The following MRRF variants were observed in gnomAD, a reference collection of about 807,000 sequenced individuals.
The protein encoded by MRRF is mitochondrial ribosome recycling factor.
Under a neutral mutation model 25.1 loss-of-function variants are expected in MRRF, and 18 were observed. That is an observed-to-expected ratio of 0.72 (90% confidence interval 0.50 to 1.06). The LOEUF (loss-of-function observed/expected upper bound fraction) is 1.06. MRRF is among the 50% of genes least tolerant of loss of function. The pLI is 0.00. For synonymous variants in MRRF, 113 were observed against 112.1 expected, an observed-to-expected ratio of 1.01 and a Z score of -0.05; for missense variants, 323 against 319.3, an observed-to-expected ratio of 1.01 and a Z score of -0.09.
rs776774424 is a variant in MRRF at position 122,308,699 on chromosome 9, C to CAAAA, written c.552-4508_552-4505dup. Among the ~76,000 whole-genome samples the CAAAA allele has an allele frequency of 1.3e-3, 81 of 60,084 alleles. 1 individual carries two copies. The highest frequency in any genetic ancestry group is 4.7e-3 in the African/African-American group (71 of 15,180). 39.4% of individuals were successfully genotyped at this position (60,084 alleles called of 152,430 possible). A position where few individuals can be genotyped will look rare whatever the true frequency, so the allele number is the denominator to read the frequency against. ...GGGTGACAGAGCAAGACTCCATCTC[C>CAAAA]AAAAAAAAAAAAAAAAAAAAAAAGA... On this transcript the variant is annotated intron_variant, in intron 5 of 6. Transcript: ENST00000344641.
chr9:122,309,450 A>G (rs1338968787), intron 5 of MRRF, among the ~76,000 whole-genome samples: 1 of 152,014 alleles, frequency 6.6e-6, no homozygotes. Context: ...CTATATTCTT[A>G]TATATGCTAT....
chr9:122,280,992 C>G (rs538875769), intron 3 of MRRF, among the ~76,000 whole-genome samples: 1 of 152,308 alleles, frequency 6.6e-6, no homozygotes, highest in Non-Finnish European at 1.5e-5. Flanking sequence ...ATAAACACAT[C>G]TAGGTATTTA....
At chr9:122,270,396 A>T (rs1832376865) in intron 1 of MRRF, among the ~76,000 whole-genome samples, 1 of 152,176 alleles carries the variant, frequency 6.6e-6, no homozygotes, top group Non-Finnish European at 1.5e-5. Flanking sequence ...AACCAAATAA[A>T]ATTTTAATTA....
At chr9:122,286,779 C>G (rs1468657896) in intron 4 of MRRF, among the ~76,000 whole-genome samples, 1 of 152,104 alleles carries the variant, frequency 6.6e-6, no homozygotes, top group South Asian at 2.1e-4. Flanking sequence ...CCATGCTTTG[C>G]CTTTATTGGT....
chr9:122,316,122 A>G (rs1835500068), intron 6 of MRRF, among the ~76,000 whole-genome samples: 1 of 152,222 alleles, frequency 6.6e-6, no homozygotes, highest in Admixed American at 6.5e-5. Flanking sequence ...AAGAAAAAGT[A>G]TCATACAATT....
At chr9:122,300,765 T>C (rs1834399639) in intron 5 of MRRF, among the ~76,000 whole-genome samples, 1 of 152,216 alleles carries the variant, frequency 6.6e-6, no homozygotes, top group Non-Finnish European at 1.5e-5. Flanking sequence ...TGAGTGATTA[T>C]ATTGGAAGTA....
intron 4 of MRRF, among the ~76,000 whole-genome samples, chr9:122,287,304 G>C (rs773823477): frequency 1.3e-5 from 2 of 152,210 alleles, no homozygotes; most frequent in African/African-American, 4.8e-5. Context: ...CTGGCACATG[G>C]CACCATTTGG....
Position 122,281,288 on chromosome 9 carries a change from T to G in MRRF, c.340+690T>G, listed in dbSNP as rs139673690. Among the ~76,000 whole-genome samples the G allele has an allele frequency of 4.4e-3, 676 of 152,348 alleles. 3 individuals carry two copies. Among genetic ancestry groups the G allele is most frequent in the Non-Finnish European group, 8.0e-3 (544 of 68,024 alleles). On this transcript the variant is annotated intron_variant, in intron 3 of 6. Transcript: ENST00000344641. ...CAGGAAAAATCCAGTTGCTGTTAAA[T>G]TAGGCTTTTGCAAATTGTCATCATC... is the stretch of plus-strand genomic sequence containing the variant.
chr9:122,292,671 G>T (rs1189067980), intron 5 of MRRF, among the ~76,000 whole-genome samples: 4 of 152,104 alleles, frequency 2.6e-5, no homozygotes, highest in African/African-American at 9.7e-5. Context: ...GTGATGGGAA[G>T]TCAGTGGAAG....
intron 4 of MRRF, chr9:122,286,275 AG>A: frequency 9.0e-7 from 1 of 1,111,736 alleles, no homozygotes; most frequent in Non-Finnish European, 1.2e-6. Context: ...GATAGGAGAA[AG>A]GGAAAGCCCT....
At position 122,265,834 on chromosome 9, in the gene MRRF, A is replaced by G. The variant is rs142509159; in HGVS notation, c.-29+896A>G. On this transcript the variant is annotated intron_variant, in intron 1 of 6. Coordinates refer to ENST00000344641, the MANE Select transcript of MRRF (RefSeq NM_138777.5). ...ACTCTTAGGCAAAAGCCCTTTCTCT[A>G]CCTGTTAAAGTGTCTCATTCCTTCT... The G allele has an allele frequency of 2.2e-3, 2,406 of 1,083,610 alleles. 38 individuals are homozygous for G. The Admixed American group carries it at 0.036, about 16-fold the overall frequency. The allele number at this position is 1,083,610 out of a possible 1,614,324, so 67.1% of individuals were successfully genotyped here.
At chr9:122,298,891 A>G (rs1037784262) in intron 5 of MRRF, among the ~76,000 whole-genome samples, 1 of 152,160 alleles carries the variant, frequency 6.6e-6, no homozygotes, top group Non-Finnish European at 1.5e-5. Flanking sequence ...TGGTGGTTCA[A>G]TATTAAGTAG....
At chr9:122,319,297 C>T (rs1037808272) in intron 6 of MRRF, among the ~76,000 whole-genome samples, 1 of 151,930 alleles carries the variant, frequency 6.6e-6, no homozygotes, top group Non-Finnish European at 1.5e-5. Context: ...ACTACAGGCT[C>T]CCGCCACCAT....
chr9:122,328,084 C>T lies in MRRF; in HGVS notation c.*5467C>T, dbSNP rs1323322723. ...ACCTGGGCTGAAGCAATCCTCCCAC[C>T]TCAGCCTCCTGAGTAGCTGGGATTA... On this transcript the variant is annotated 3_prime_UTR_variant, in exon 7 of 7. Transcript: ENST00000344641. The T allele has an allele frequency of 6.6e-6, 1 of 152,172 alleles. No individual in the cohort carries two copies. Among genetic ancestry groups the T allele is most frequent in the African/African-American group, 2.4e-5 (1 of 41,428 alleles). The allele number at this position is 152,172 out of a possible 1,614,324, so 9.4% of individuals were successfully genotyped here.
intron 1 of MRRF, among the ~76,000 whole-genome samples, chr9:122,268,362 A>T (rs1265951110): frequency 6.6e-6 from 1 of 152,228 alleles, no homozygotes; most frequent in African/African-American, 2.4e-5. Flanking sequence ...GAATACCAGG[A>T]AACCTGTCTT....
At chr9:122,280,393 G>T in intron 2 of MRRF, 50 bp from the exon 3 acceptor site, 1 of 1,603,652 alleles carries the variant, frequency 6.2e-7, no homozygotes, top group South Asian at 1.1e-5. Context: ...ATTGCTTATT[G>T]GCTCTGTTTA....
intron 5 of MRRF, among the ~76,000 whole-genome samples, chr9:122,303,785 A>G (rs1394469979): frequency 6.6e-6 from 1 of 152,226 alleles, no homozygotes; most frequent in Non-Finnish European, 1.5e-5. Context: ...TAAGTGAAGG[A>G]GCCGTTATTC....
rs111382738 is a variant in MRRF, at chr9:122,274,449, T to G, written c.184+3374T>G. ...AGGTGGGTGGATCACTTGAGGTCAG[T>G]AGTTGGAGACCTGCCTGGCCAACAT... On this transcript the variant is annotated intron_variant, in intron 2 of 6. Transcript: ENST00000344641. Among the ~76,000 whole-genome samples the G allele has an allele frequency of 4.2e-3, 642 of 152,064 alleles. 3 individuals are homozygous for G. The highest frequency in any genetic ancestry group is 0.015 in the African/African-American group (602 of 41,490).
At chr9:122,310,270 C>T (rs897444613) in intron 5 of MRRF, among the ~76,000 whole-genome samples, 7 of 152,170 alleles carry the variant, frequency 4.6e-5, no homozygotes, top group East Asian at 3.8e-4. Flanking sequence ...TAGAGCCCAC[C>T]GCTCCTCCTC....
Sources: gnomAD v4.1 joint callset for allele counts (sites outside exome capture counted in the v4.1 genomes callset) on GRCh38, gnomAD v4.1.1 for gene constraint, MANE v1.5 for transcripts, NCBI Gene and HGNC (gene_info 2026-07-23, HGNC 2026-07-21) for gene names.